Variants in HERC2 observed in about 807,000 individuals in gnomAD.
HERC2 encodes the protein HECT and RLD domain containing E3 ubiquitin protein ligase 2.
HERC2 carries 102 observed loss-of-function variants against 537.7 expected under a neutral mutation model. That is an observed-to-expected ratio of 0.19 (90% CI 0.16 to 0.22). HERC2 has a LOEUF of 0.22. HERC2 is among the 10% of genes least tolerant of loss of function. The pLI, the probability that HERC2 is intolerant of heterozygous loss-of-function variation, is 1.00. For synonymous variants in HERC2, 2,224 were observed against 2,466.2 expected (o/e 0.90, Z 2.91); for missense variants, 4,236 against 6,198.2 (o/e 0.68, Z 10.63).
At chr15:28,162,151 G>A (rs1240211685) in intron 69 of HERC2, among the ~76,000 whole-genome samples, 1 of 152,088 alleles carries the variant, frequency 6.6e-6, no homozygotes, top group African/African-American at 2.4e-5. Flanking sequence ...CCAACATGGT[G>A]AAACCCCATC....
chr15:28,288,419 G>A lies in HERC2; in HGVS notation c.322+4469C>T, dbSNP rs1667392. Among the ~76,000 whole-genome samples, 21 of 113,648 alleles carry A rather than the reference G, an allele frequency of 1.8e-4. No individual in the cohort carries two copies. The South Asian group carries it at 6.7e-3, about 36-fold the overall frequency. The allele number at this position is 113,648 out of a possible 152,430, so 74.6% of individuals were successfully genotyped here. A position where few individuals can be genotyped will look rare whatever the true frequency, so the allele number is the denominator to read the frequency against. ...CGTATGCCTGTAATCCCAGCTACTCGGGAGGCTGAGCCAGAATCGTTTGAA... is the reference window on the plus strand; with the variant it reads ...CGTATGCCTGTAATCCCAGCTACTCAGGAGGCTGAGCCAGAATCGTTTGAA... On this transcript the variant is annotated intron_variant, in intron 4 of 92. Transcript: ENST00000261609.
At chr15:28,271,718 T>C (rs1402104133) in intron 9 of HERC2, among the ~76,000 whole-genome samples, 1 of 151,966 alleles carries the variant, frequency 6.6e-6, no homozygotes, top group Non-Finnish European at 1.5e-5. Flanking sequence ...CAAAGCACGA[T>C]ATTGGAATGC....
At chr15:28,164,572 C>T (rs541499754) in intron 68 of HERC2, among the ~76,000 whole-genome samples, 3 of 152,146 alleles carry the variant, frequency 2.0e-5, no homozygotes, top group Admixed American at 6.5e-5. Context: ...AACATGCACA[C>T]ACACAAACAC....
chr15:28,303,658 AT>A (rs530802991), intron 2 of HERC2, among the ~76,000 whole-genome samples: 103 of 152,280 alleles, frequency 6.8e-4, no homozygotes, highest in African/African-American at 2.4e-3. Context: ...CATTTTAACA[AT>A]ATTGATTCTT....
intron 65 of HERC2, among the ~76,000 whole-genome samples, chr15:28,173,505 A>C (rs1260065626): frequency 6.6e-6 from 1 of 152,220 alleles, no homozygotes; most frequent in African/African-American, 2.4e-5. Context: ...TAAGCTGTAC[A>C]ACATGCAAAC....
chr15:28,310,992 G>A (rs185878778), intron 2 of HERC2, among the ~76,000 whole-genome samples: 1 of 128,734 alleles, frequency 7.8e-6, no homozygotes, highest in Admixed American at 9.6e-5. Context: ...CAAGGGAATT[G>A]TTTGAACCTG....
intron 4 of HERC2, among the ~76,000 whole-genome samples, chr15:28,292,416 C>G (rs2076342224): frequency 1.3e-5 from 2 of 152,114 alleles, no homozygotes; most frequent in South Asian, 4.2e-4. Flanking sequence ...CATCAGAAAA[C>G]AAAAAGTGTT....
Position 28,270,735 on chromosome 15 carries a change from G to C in HERC2, c.1217C>G (p.Pro406Arg), listed in dbSNP as rs1270890517. The change falls in exon 10 of 93, where the codon CCC becomes CGC. Residue 406 changes from proline to arginine, a missense_variant. By Grantham distance (103) the Pro-to-Arg change is moderately radical (BLOSUM62 -2). Coordinates refer to ENST00000261609, the MANE Select transcript of HERC2 (RefSeq NM_004667.6). ...VMAHLDRLAT[P>R]CMPPLCSSPT... ...AGAGCTACACAGCGGAGGCATACAG[G>C]GCGTAGCCAGACGGTCTAAATGGGC... 2 of 1,613,906 alleles carry C rather than the reference G, an allele frequency of 1.2e-6. No individual in the cohort carries two copies. The highest frequency in any genetic ancestry group is 1.7e-6 in the Non-Finnish European group (2 of 1,179,856).
chr15:28,316,472 T>C (rs2077089078), intron 2 of HERC2, among the ~76,000 whole-genome samples: 1 of 151,912 alleles, frequency 6.6e-6, no homozygotes, highest in African/African-American at 2.4e-5. Context: ...AGACCCTGCC[T>C]CTACAAAAAA....
chr15:28,233,235 G>A lies in HERC2; in HGVS notation c.4586C>T (p.Ser1529Phe). 1.2e-6 allele frequency: 2 copies of A among 1,603,334 alleles called. No individual in the cohort carries two copies. Among genetic ancestry groups the A allele is most frequent in the Non-Finnish European group, 1.7e-6 (2 of 1,172,518 alleles). The change falls in exon 30 of 93, where the codon TCT (serine) becomes TTT (phenylalanine). Residue 1529 changes from serine (S) to phenylalanine (F), a missense_variant. Transcript: ENST00000261609. Reference protein sequence around the residue: ...ELRPAVCNDLSIMSKFKLLSS... With the variant: ...ELRPAVCNDLFIMSKFKLLSS... ...TAACAATTTAAACTTAGACATTATA[G>A]AGAGGTCATTACAAACAGCAGGTCT... is the stretch of plus-strand genomic sequence containing the variant.
chr15:28,113,845 G>T lies in HERC2; in HGVS notation c.13914-167C>A. 1.6e-6 allele frequency: 1 copy of T among 639,508 alleles called. No homozygotes were observed. The highest frequency in any genetic ancestry group is 2.8e-6 in the Non-Finnish European group (1 of 353,274). 39.6% of individuals were successfully genotyped at this position (639,508 alleles called of 1,614,324 possible). ...ATGCTTAGCAGCTCGGCACTGCAGA[G>T]CTTCTCCTGACACTGGGCTCATCTC... On this transcript the variant is annotated intron_variant, in intron 90 of 92. Transcript: ENST00000261609. This position sits in a 1 kb window ranked among gnomAD's most constrained non-coding sequence, Gnocchi z 7.0.
intron 70 of HERC2, among the ~76,000 whole-genome samples, chr15:28,149,062 C>A (rs1204511951): frequency 6.7e-6 from 1 of 149,904 alleles, no homozygotes; most frequent in Non-Finnish European, 1.5e-5. Context: ...ACCGAAAAAA[C>A]AAACGAGACT....
At chr15:28,130,417 C>T in intron 82 of HERC2, 86 bp downstream of exon 82, 3 of 1,585,366 alleles carry the variant, frequency 1.9e-6, no homozygotes, top group Non-Finnish European at 2.6e-6. Context: ...GCTGCAGAAG[C>T]TACATTCCCA....
intron 45 of HERC2, among the ~76,000 whole-genome samples, chr15:28,205,143 A>C (rs1033142593): frequency 6.6e-6 from 1 of 152,094 alleles, no homozygotes; most frequent in African/African-American, 2.4e-5. Flanking sequence ...TTCATGAAAA[A>C]GAAGAGAACA....
chr15:28,238,334 A>T (rs1902676458), intron 24 of HERC2, 117 bp from the exon 25 acceptor site: 1 of 860,078 alleles, frequency 1.2e-6, no homozygotes, highest in Non-Finnish European at 2.0e-6. Context: ...GGGTTACCAG[A>T]GTATAATGAC....
chr15:28,276,139 T>A (rs1205336268), intron 5 of HERC2, among the ~76,000 whole-genome samples: 14 of 121,608 alleles, frequency 1.2e-4, no homozygotes, highest in East Asian at 1.0e-3. Flanking sequence ...TGAGCCAAGA[T>A]CGCACCTCTG....
chr15:28,289,848 G>A (rs1405832973), intron 4 of HERC2, among the ~76,000 whole-genome samples: 3 of 152,126 alleles, frequency 2.0e-5, no homozygotes, highest in African/African-American at 7.2e-5. Flanking sequence ...TCAGTGAGAG[G>A]ATGACACGCC....
At chr15:28,252,674 C>G (rs574105519) in intron 20 of HERC2, among the ~76,000 whole-genome samples, 2 of 152,290 alleles carry the variant, frequency 1.3e-5, no homozygotes, top group South Asian at 4.1e-4. Flanking sequence ...TCCATTAACA[C>G]AAACTATATG....
At chr15:28,300,787 C>T (rs2525952) in intron 2 of HERC2, among the ~76,000 whole-genome samples, 2,102 of 94,290 alleles carry the variant, frequency 0.022, 8 homozygotes, top group East Asian at 0.089. Flanking sequence ...TATGTCACTG[C>T]GCTCCAGCCT....
Sources: gnomAD v4.1 joint callset for allele counts (sites outside exome capture counted in the v4.1 genomes callset) on GRCh38, gnomAD v4.1.1 for gene constraint, Gnocchi (gnomAD v3.1) non-coding constraint, MANE v1.5 for transcripts, NCBI Gene and HGNC (gene_info 2026-07-23, HGNC 2026-07-21) for gene names.